Variants in SLC25A26 observed in about 807,000 individuals in gnomAD.
SLC25A26 encodes mitochondrial S-adenosylmethionine carrier protein.
SLC25A26 carries 36 observed loss-of-function variants against 37.8 expected under a neutral mutation model. The ratio of observed to expected loss-of-function variants is 0.95; its 90% CI spans 0.73 to 1.26. The LOEUF (loss-of-function observed/expected upper bound fraction) is 1.26, where lower values mean the gene tolerates loss of function less well. Ranked by LOEUF, SLC25A26 falls within the 50% of genes most tolerant of loss-of-function variation. The pLI is 0.00. For synonymous variants in SLC25A26, 129 were observed against 122.5 expected, an observed-to-expected ratio of 1.05 and a Z score of -0.35; for missense variants, 390 against 331.1, an observed-to-expected ratio of 1.18 and a Z score of -1.38.
intron 1 of SLC25A26, among the ~76,000 whole-genome samples, chr3:66,194,014 T>C (rs947951492): frequency 7.4e-4 from 112 of 152,240 alleles, no homozygotes; most frequent in African/African-American, 2.7e-3. Context: ...GATGTAACCA[T>C]AAAGGAACGA....
chr3:66,151,885 CTCTT>C (rs2070214572), intron 1 of SLC25A26, among the ~76,000 whole-genome samples: 3 of 152,188 alleles, frequency 2.0e-5, no homozygotes, highest in African/African-American at 4.8e-5. Flanking sequence ...ATTCCCCTCT[CTCTT>C]TTTTTGCTCA....
Position 66,236,608 on chromosome 3 carries a change from G to T in SLC25A26, c.98G>T (p.Arg33Met), listed in dbSNP as rs1169792693. The part of the protein sequence containing the change: ...ILFPLDTIKT[R>M]LQSPQGFSKA... The stretch of plus-strand genomic sequence containing the variant: ...TTTCCTCTGGATACCATTAAAACCA[G>T]GCTGCAGAGTCCCCAAGGATTTAGT... Residue 33 changes from arginine (R) to methionine (M), a missense_variant, in exon 2 of 10, where the codon AGG becomes ATG. Transcript: ENST00000354883. 6.6e-7 allele frequency: 1 copy of T among 1,521,646 alleles called. No homozygotes were observed. Among genetic ancestry groups the T allele is most frequent in the Non-Finnish European group, 8.8e-7 (1 of 1,136,502 alleles). The allele number at this position is 1,521,646 out of a possible 1,614,324, so 94.3% of individuals were successfully genotyped here. A position where few individuals can be genotyped will look rare whatever the true frequency, so the allele number is the denominator to read the frequency against.
intron 1 of SLC25A26, among the ~76,000 whole-genome samples, chr3:66,159,643 A>C (rs984224722): frequency 2.6e-5 from 4 of 152,164 alleles, no homozygotes; most frequent in African/African-American, 9.7e-5. Flanking sequence ...TTGCTGTTTA[A>C]TTTCTATTTT....
intron 8 of SLC25A26, 66 bp from the exon 9 acceptor site, chr3:66,370,463 C>A: frequency 7.8e-7 from 1 of 1,284,682 alleles, no homozygotes. Context: ...CTGAGGATAT[C>A]TGAGAGGCAA....
chr3:66,191,903 T>C lies in SLC25A26; in HGVS notation c.-353-28839T>C, dbSNP rs1314717579. On this transcript the variant is annotated intron_variant, in intron 1 of 10. Coordinates refer to the SLC25A26 transcript ENST00000676754. The stretch of plus-strand genomic sequence containing the variant: ...GCCTGGGTGACAGAGCAAGACTCTG[T>C]CTCAAATAATAAAAAAAAAAAGTTA... 8.6e-5 allele frequency among the ~76,000 whole-genome samples: 13 copies of C among 151,414 alleles called. 1 individual carries two copies. Among genetic ancestry groups the C allele is most frequent in the African/African-American group, 2.7e-4 (11 of 41,140 alleles).
At chr3:66,249,224 C>T (rs946545620) in intron 3 of SLC25A26, among the ~76,000 whole-genome samples, 1 of 82,308 alleles carries the variant, frequency 1.2e-5, no homozygotes, top group Non-Finnish European at 2.3e-5. Flanking sequence ...ATGAGGTTTT[C>T]TCCAAGGCCC....
intron 1 of SLC25A26, among the ~76,000 whole-genome samples, chr3:66,150,524 G>GATATATATATATATATATATAATGAT (rs2070184934): frequency 9.6e-6 from 1 of 103,654 alleles, no homozygotes; most frequent in African/African-American, 3.8e-5. Context: ...TATATATAAT[G>GATATATATATATATATATATAATGAT]ATATATATAT....
chr3:66,352,421 G>T (rs372782142), intron 6 of SLC25A26, among the ~76,000 whole-genome samples: 9 of 126,556 alleles, frequency 7.1e-5, no homozygotes, highest in African/African-American at 3.3e-4. Context: ...GCCTCCCCTC[G>T]TTTTTTGTTT....
intron 5 of SLC25A26, among the ~76,000 whole-genome samples, chr3:66,284,210 G>A (rs568551875): frequency 1.3e-5 from 2 of 152,136 alleles, no homozygotes; most frequent in East Asian, 3.9e-4. Flanking sequence ...ATTGCTGCCT[G>A]TGGTGGTGCA....
intron 4 of SLC25A26, 116 bp from the exon 5 acceptor site, chr3:66,263,216 T>C (rs1346591725): frequency 2.8e-6 from 2 of 725,746 alleles, no homozygotes; most frequent in Non-Finnish European, 5.0e-6. Context: ...TAGAGAAGTG[T>C]GGCAATTGTG....
intron 5 of SLC25A26, among the ~76,000 whole-genome samples, chr3:66,264,707 A>C (rs964739811): frequency 1.3e-5 from 2 of 152,218 alleles, no homozygotes; most frequent in African/African-American, 4.8e-5. Flanking sequence ...TTTCTTCCAC[A>C]AAACCTGTCC....
At chr3:66,325,920 A>G (rs1186012038) in intron 5 of SLC25A26, among the ~76,000 whole-genome samples, 2 of 152,196 alleles carry the variant, frequency 1.3e-5, no homozygotes, top group Non-Finnish European at 2.9e-5. Flanking sequence ...AAAGAGGTTG[A>G]ACAGAGATGA....
intron 1 of SLC25A26, among the ~76,000 whole-genome samples, chr3:66,231,684 C>T (rs1002632943): frequency 4.0e-5 from 6 of 151,660 alleles, no homozygotes; most frequent in Non-Finnish European, 8.8e-5. Flanking sequence ...GATTATATAG[C>T]ATATATTGTT....
At chr3:66,329,269 T>A (rs536789863) in intron 5 of SLC25A26, among the ~76,000 whole-genome samples, 5 of 152,284 alleles carry the variant, frequency 3.3e-5, no homozygotes, top group Admixed American at 3.3e-4. Flanking sequence ...CCTCTTGGAG[T>A]CTCTCTGTAA....
intron 1 of SLC25A26, among the ~76,000 whole-genome samples, chr3:66,174,451 A>G (rs568333108): frequency 6.6e-6 from 1 of 152,318 alleles, no homozygotes; most frequent in East Asian, 1.9e-4. Context: ...TTATTTCTAA[A>G]TGAAGGCCAA....
chr3:66,238,864 G>A (rs2072429628), intron 2 of SLC25A26, among the ~76,000 whole-genome samples: 1 of 151,974 alleles, frequency 6.6e-6, no homozygotes, highest in Non-Finnish European at 1.5e-5. Flanking sequence ...AAGTAGAGGA[G>A]GTGGAAGGGG....
chr3:66,232,518 G>T (rs2072082926), intron 1 of SLC25A26, among the ~76,000 whole-genome samples: 1 of 152,148 alleles, frequency 6.6e-6, no homozygotes, highest in Non-Finnish European at 1.5e-5. Flanking sequence ...AATTGGACTG[G>T]TACTGAACAA....
At chr3:66,209,001 T>C (rs1355650692) in intron 1 of SLC25A26, among the ~76,000 whole-genome samples, 5 of 39,006 alleles carry the variant, frequency 1.3e-4, no homozygotes, top group African/African-American at 3.4e-4. Context: ...TATGTACCCA[T>C]ATAAAGGTAT....
chr3:66,369,557 A>C lies in SLC25A26; in HGVS notation c.633+15A>C, dbSNP rs1304162642. The C allele has an allele frequency of 2.5e-6, 4 of 1,575,646 alleles. No homozygotes were observed. The South Asian group carries it at 4.6e-5, about 18-fold the overall frequency. ...CGCTGGCAAAGGTAAGTGGTGAAATAATGTAATGGAGATACTTCAGATGCT... is the reference window on the plus strand; with the variant it reads ...CGCTGGCAAAGGTAAGTGGTGAAATCATGTAATGGAGATACTTCAGATGCT... On this transcript the variant is annotated intron_variant, in intron 8 of 9. Coordinates refer to ENST00000354883, the MANE Select transcript of SLC25A26 (RefSeq NM_001379210.1).
Sources: gnomAD v4.1 joint callset for allele counts (sites outside exome capture counted in the v4.1 genomes callset) on GRCh38, gnomAD v4.1.1 for gene constraint, MANE v1.5 for transcripts, NCBI Gene and HGNC (gene_info 2026-07-23, HGNC 2026-07-21) for gene names.